COL11A1: variants seen among roughly 807,000 people sequenced by gnomAD.
COL11A1 encodes the protein collagen alpha-1(XI) chain.
COL11A1 carries 74 observed loss-of-function variants against 265.2 expected under a neutral mutation model. The observed-to-expected ratio is 0.28, with a 90% CI of 0.23 to 0.34. COL11A1 has a LOEUF of 0.34. Ranked by LOEUF, COL11A1 falls within the 10% of genes least tolerant of loss-of-function variation. COL11A1 has a pLI of 1.00. For missense variants in COL11A1, 2,165 were observed against 2,263.6 expected (o/e 0.96, Z 0.88); for synonymous variants, 816 against 727.6 (o/e 1.12, Z -1.96).
At chr1:102,918,005 AAAAG>A (rs1557818346) in intron 49 of COL11A1, among the ~76,000 whole-genome samples, 1 of 151,576 alleles carries the variant, frequency 6.6e-6, no homozygotes, top group Admixed American at 6.6e-5. Flanking sequence ...TGTTTCATTT[AAAAG>A]AAAGGTGGGA....
In COL11A1 at chr1:102,877,363, T is replaced by G. The variant is rs538294691; in HGVS notation, c.*656A>C. On this transcript the variant is annotated 3_prime_UTR_variant, in exon 67 of 67. Transcript: ENST00000370096. ...AGAGAAGAGTTGATCAGAGTGTGCTTCCAAAAGTCTTCCAGATTTTTGCCC... is the reference window on the plus strand; with the variant it reads ...AGAGAAGAGTTGATCAGAGTGTGCTGCCAAAAGTCTTCCAGATTTTTGCCC... The G allele has an allele frequency of 6.5e-6, 1 of 152,684 alleles. No individual in the cohort carries two copies. Among genetic ancestry groups the G allele is most frequent in the South Asian group, 2.1e-4 (1 of 4,824 alleles). 9.5% of individuals were successfully genotyped at this position (152,684 alleles called of 1,614,324 possible).
At chr1:102,894,811 A>G (rs1018798998) in intron 57 of COL11A1, among the ~76,000 whole-genome samples, 4 of 152,056 alleles carry the variant, frequency 2.6e-5, no homozygotes, top group African/African-American at 9.7e-5. Context: ...AGTCTCGCTC[A>G]GTCACCCAGG....
At chr1:102,972,154 A>C (rs1304995191) in intron 36 of COL11A1, among the ~76,000 whole-genome samples, 1 of 152,144 alleles carries the variant, frequency 6.6e-6, no homozygotes, top group Non-Finnish European at 1.5e-5. Context: ...CTTGCTTTCA[A>C]TTCTGGGCAA....
chr1:103,009,777 A>G (rs745898974), intron 14 of COL11A1, among the ~76,000 whole-genome samples: 25 of 152,278 alleles, frequency 1.6e-4, no homozygotes, highest in Non-Finnish European at 3.2e-4. Flanking sequence ...AATATTAACG[A>G]TGCCCACAAA....
chr1:103,087,934 C>T (rs749390276), intron 1 of COL11A1, among the ~76,000 whole-genome samples: 14 of 152,126 alleles, frequency 9.2e-5, no homozygotes, highest in Admixed American at 4.6e-4. Flanking sequence ...ATGGAAGGAA[C>T]TTCCTCTGAA....
chr1:103,101,996 A>G (rs1674313674), intron 1 of COL11A1, among the ~76,000 whole-genome samples: 1 of 152,016 alleles, frequency 6.6e-6, no homozygotes, highest in Non-Finnish European at 1.5e-5. Context: ...CTAAAGAACC[A>G]CTAGCCAAGT....
rs1207375288 is a variant in COL11A1 at position 103,012,294 on chromosome 1, G to A, written c.1629+119C>T. On this transcript the variant is annotated intron_variant, in intron 14 of 66. Coordinates refer to ENST00000370096, the MANE Select transcript of COL11A1 (RefSeq NM_001854.4). ...ATTTTTTTAATGGAAACAACAGCAA[G>A]CATGAAAACATACCCTATTGTCACC... 1.6e-5 allele frequency: 12 copies of A among 741,452 alleles called. No homozygotes were observed. The East Asian group carries it at 2.2e-4, about 13-fold the overall frequency. 45.9% of individuals were successfully genotyped at this position (741,452 alleles called of 1,614,324 possible).
intron 46 of COL11A1, among the ~76,000 whole-genome samples, chr1:102,931,664 C>T (rs1267971978): frequency 4.0e-5 from 6 of 151,564 alleles, no homozygotes; most frequent in African/African-American, 1.2e-4. Flanking sequence ...CTTTCTGTCT[C>T]GTTGATCTGT....
At chr1:102,997,913 A>C (rs1664777053) in intron 25 of COL11A1, among the ~76,000 whole-genome samples, 1 of 151,998 alleles carries the variant, frequency 6.6e-6, no homozygotes, top group South Asian at 2.1e-4. Flanking sequence ...ATAGAAACAG[A>C]TACTTTGAAA....
chr1:103,008,665 C>T, intron 14 of COL11A1, 149 bp from the exon 15 acceptor site: 1 of 729,122 alleles, frequency 1.4e-6, no homozygotes, highest in Non-Finnish European at 2.4e-6. Flanking sequence ...GTAAAATTTT[C>T]CAGCACTTGC....
intron 3 of COL11A1, among the ~76,000 whole-genome samples, chr1:103,076,983 G>A (rs939370264): frequency 2.0e-5 from 3 of 152,042 alleles, no homozygotes; most frequent in African/African-American, 7.2e-5. Context: ...TGGCAGTTGA[G>A]CTCAACAAGT....
chr1:103,088,959 A>G (rs1473872742), intron 1 of COL11A1, among the ~76,000 whole-genome samples: 1 of 152,224 alleles, frequency 6.6e-6, no homozygotes, highest in Non-Finnish European at 1.5e-5. Context: ...GCCATCTCCA[A>G]TAAAAACTAT....
At chr1:103,025,397 T>G (rs949108744) in intron 7 of COL11A1, 124 bp downstream of exon 7, 16 of 748,466 alleles carry the variant, frequency 2.1e-5, no homozygotes, top group Non-Finnish European at 2.3e-6. Context: ...TTCTCTTACT[T>G]TAGTAAAAGA....
intron 35 of COL11A1, among the ~76,000 whole-genome samples, chr1:102,975,337 C>A (rs529092567): frequency 1.3e-5 from 2 of 151,118 alleles, no homozygotes; most frequent in East Asian, 3.9e-4. Context: ...GCCGTATATT[C>A]CAAAACTAAA....
At chr1:103,024,469 AATG>A (rs776965956) in intron 7 of COL11A1, among the ~76,000 whole-genome samples, 44 of 152,344 alleles carry the variant, frequency 2.9e-4, no homozygotes, top group Non-Finnish European at 5.0e-4. Flanking sequence ...TATGTAGATA[AATG>A]ATGAGTAATT....
At chr1:102,997,257 C>T (rs1483439686) in intron 25 of COL11A1, 133 bp from the exon 26 acceptor site, 15 of 854,036 alleles carry the variant, frequency 1.8e-5, no homozygotes, top group Non-Finnish European at 2.8e-5. Flanking sequence ...AACACTTTTG[C>T]ATCAGTGTGT....
chr1:103,081,052 G>A lies in COL11A1; in HGVS notation c.274+1753C>T, dbSNP rs181310151. Among the ~76,000 whole-genome samples the A allele has an allele frequency of 1.9e-3, 288 of 151,822 alleles. 1 individual carries two copies. The highest frequency in any genetic ancestry group is 6.6e-3 in the African/African-American group (275 of 41,462). ...TACTTGCCCTTCCCATCCATTGGCT[G>A]GGCTAATAATTTAATCTGTCCCATG... On this transcript the variant is annotated intron_variant, in intron 2 of 66. Transcript: ENST00000370096.
rs371582581 is a variant in COL11A1 at position 103,021,686 on chromosome 1, T to A, written c.1308+21A>T. The A allele has an allele frequency of 1.4e-4, 221 of 1,555,682 alleles. 3 individuals are homozygous for A. Among genetic ancestry groups the A allele is most frequent in the South Asian group, 9.7e-4 (87 of 89,980 alleles). On this transcript the variant is annotated intron_variant, in intron 9 of 66. Coordinates refer to ENST00000370096, the MANE Select transcript of COL11A1 (RefSeq NM_001854.4). ...TAAGCAATTTTACCAACCTTTAAAG[T>A]GTATTCACACTACTACTTACAGGCT...
chr1:102,921,897 G>T (rs952793694), intron 47 of COL11A1, among the ~76,000 whole-genome samples: 3 of 152,182 alleles, frequency 2.0e-5, no homozygotes, highest in Non-Finnish European at 1.5e-5. Flanking sequence ...AACATAAAGA[G>T]AATGTAAAGT....
Sources: gnomAD v4.1 joint callset for allele counts (sites outside exome capture counted in the v4.1 genomes callset) on GRCh38, gnomAD v4.1.1 for gene constraint, MANE v1.5 for transcripts, NCBI Gene and HGNC (gene_info 2026-07-23, HGNC 2026-07-21) for gene names.